The following GDPD5 variants were observed in gnomAD, a reference collection of about 807,000 sequenced individuals.
The protein encoded by GDPD5 is glycerophosphodiester phosphodiesterase domain containing 5.
Under a neutral mutation model 75.1 loss-of-function variants are expected in GDPD5, and 48 were observed. That is an observed-to-expected ratio of 0.64 (90% CI 0.51 to 0.81). GDPD5 has a LOEUF of 0.81. Ranked by LOEUF, GDPD5 falls within the 40% of genes least tolerant of loss-of-function variation. The pLI is 0.00. For missense variants in GDPD5, 706 were observed against 822.6 expected (o/e 0.86, Z 1.73); for synonymous variants, 336 against 339.0 (o/e 0.99, Z 0.10).
chr11:75,438,681 G>A (rs549067649), intron 15 of GDPD5: 1 of 152,762 alleles, frequency 6.5e-6, no homozygotes, highest in South Asian at 2.1e-4. Flanking sequence ...GTCCCATCCT[G>A]GAAATTCATG....
intron 1 of GDPD5, among the ~76,000 whole-genome samples, chr11:75,498,233 G>A (rs184990424): frequency 7.9e-4 from 120 of 152,346 alleles, no homozygotes; most frequent in Non-Finnish European, 1.5e-3. Flanking sequence ...ACCAGTGAAA[G>A]TGAGAGTCAC....
At chr11:75,448,866 CT>C in intron 9 of GDPD5, 110 bp downstream of exon 9, 1 of 1,327,906 alleles carries the variant, frequency 7.5e-7, no homozygotes, top group Non-Finnish European at 9.9e-7. Context: ...TGTACCTCCC[CT>C]CAAAAAGCTA....
chr11:75,469,566 C>T (rs1469962271), intron 3 of GDPD5, among the ~76,000 whole-genome samples: 1 of 152,216 alleles, frequency 6.6e-6, no homozygotes, highest in Non-Finnish European at 1.5e-5. Context: ...GAAACAGGCT[C>T]AGAGGGACAG....
At chr11:75,514,991 G>T (rs1057236541) in intron 1 of GDPD5, among the ~76,000 whole-genome samples, 1 of 152,102 alleles carries the variant, frequency 6.6e-6, no homozygotes, top group Non-Finnish European at 1.5e-5. Flanking sequence ...ACTTGCCCAT[G>T]TCTTCTAAGT....
intron 1 of GDPD5, among the ~76,000 whole-genome samples, chr11:75,495,460 C>T (rs1011339111): frequency 1.3e-5 from 2 of 151,830 alleles, no homozygotes; most frequent in African/African-American, 2.4e-5. Flanking sequence ...GAGTCAGACT[C>T]TGTCTCAAAA....
intron 1 of GDPD5, among the ~76,000 whole-genome samples, chr11:75,496,779 C>CTTTCTTTCT (rs58663409): frequency 5.8e-5 from 6 of 103,132 alleles, no homozygotes; most frequent in Admixed American, 3.9e-4. Flanking sequence ...TTCTTTCTTT[C>CTTTCTTTCT]TTTTTTTTTT....
chr11:75,450,179 T>TGAGGCAGGAG (rs1949102505), intron 6 of GDPD5, among the ~76,000 whole-genome samples, 196 bp from the exon 7 acceptor site: 1 of 151,648 alleles, frequency 6.6e-6, no homozygotes, highest in African/African-American at 2.4e-5. Flanking sequence ...AGGGAGAGAC[T>TGAGGCAGGAG]GAGGCAGGAG....
At chr11:75,516,746 A>G (rs1950646803) in intron 1 of GDPD5, among the ~76,000 whole-genome samples, 1 of 152,202 alleles carries the variant, frequency 6.6e-6, no homozygotes, top group Admixed American at 6.5e-5. Context: ...CTTCTCAGGT[A>G]ATCCCAGGAA....
At chr11:75,448,849 C>T in intron 9 of GDPD5, 128 bp downstream of exon 9, 1 of 1,239,664 alleles carries the variant, frequency 8.1e-7, no homozygotes, top group Non-Finnish European at 1.1e-6. Context: ...TTTGCCAGTC[C>T]TTCCCATGTA....
chr11:75,519,103 C>T (rs1950702503), intron 1 of GDPD5, among the ~76,000 whole-genome samples: 1 of 152,166 alleles, frequency 6.6e-6, no homozygotes, highest in South Asian at 2.1e-4. Context: ...CTTCCTCATG[C>T]CCTGAAAGCA....
At chr11:75,481,215 C>T (rs887163745) in intron 2 of GDPD5, among the ~76,000 whole-genome samples, 7 of 152,120 alleles carry the variant, frequency 4.6e-5, no homozygotes, top group African/African-American at 1.7e-4. Context: ...TCTCCAAGGC[C>T]CCAGGGGCTG....
chr11:75,439,041 C>T (rs148285436), intron 15 of GDPD5, among the ~76,000 whole-genome samples: 2 of 152,244 alleles, frequency 1.3e-5, no homozygotes, highest in African/African-American at 2.4e-5. Flanking sequence ...GGGTCCCCTC[C>T]CCCAGGGAGA....
intron 3 of GDPD5, among the ~76,000 whole-genome samples, chr11:75,463,589 A>C (rs1949459998): frequency 6.6e-6 from 1 of 152,150 alleles, no homozygotes; most frequent in African/African-American, 2.4e-5. Flanking sequence ...AGCTTGGAAT[A>C]TCCTGCATCC....
chr11:75,506,203 T>G (rs561888373), intron 1 of GDPD5, among the ~76,000 whole-genome samples: 1 of 152,346 alleles, frequency 6.6e-6, no homozygotes, highest in Non-Finnish European at 1.5e-5. Flanking sequence ...AAAGACGTTT[T>G]CATCGATCTG....
chr11:75,512,145 C>G (rs1950533770), intron 1 of GDPD5, among the ~76,000 whole-genome samples: 1 of 152,140 alleles, frequency 6.6e-6, no homozygotes, highest in South Asian at 2.1e-4. Flanking sequence ...AATGCACAGA[C>G]AGAATCCCCA....
At chr11:75,487,958 A>G (rs981249454) in intron 2 of GDPD5, among the ~76,000 whole-genome samples, 4 of 152,166 alleles carry the variant, frequency 2.6e-5, no homozygotes, top group South Asian at 2.1e-4. Context: ...GTATCTTCAA[A>G]TTATCCCTGG....
intron 4 of GDPD5, among the ~76,000 whole-genome samples, chr11:75,459,801 CTG>C (rs1949373630): frequency 7.3e-6 from 1 of 137,654 alleles, no homozygotes. Flanking sequence ...CAGAGCGAGA[CTG>C]TCTCAAAAAA....
At chr11:75,477,071 C>T (rs772049916) in intron 3 of GDPD5, among the ~76,000 whole-genome samples, 45 of 152,378 alleles carry the variant, frequency 3.0e-4, no homozygotes, top group Non-Finnish European at 5.4e-4. Context: ...GATCCACTGG[C>T]TGACAGCGCC....
chr11:75,501,384 C>T (rs752259652), intron 1 of GDPD5, among the ~76,000 whole-genome samples: 1 of 152,228 alleles, frequency 6.6e-6, no homozygotes. Context: ...ACATAGGGCA[C>T]ATATTCACGG....
Sources: allele counts gnomAD v4.1 joint callset (sites outside exome capture counted in the v4.1 genomes callset), GRCh38; gene constraint gnomAD v4.1.1; transcripts MANE v1.5; gene names NCBI Gene and HGNC (gene_info 2026-07-23, HGNC 2026-07-21).